SECISBP2: variants seen among roughly 807,000 people sequenced by gnomAD.
The protein encoded by SECISBP2 is selenocysteine insertion sequence-binding protein 2.
Under a neutral mutation model 98.2 loss-of-function variants are expected in SECISBP2, and 96 were observed. That is an observed-to-expected ratio of 0.98 (90% CI 0.83 to 1.16). The LOEUF (loss-of-function observed/expected upper bound fraction) is 1.16, where lower values mean the gene tolerates loss of function less well. Ranked by LOEUF, SECISBP2 falls within the 50% of genes most tolerant of loss-of-function variation. The pLI is 0.00. For missense variants in SECISBP2, 1,046 were observed against 1,022.9 expected, an observed-to-expected ratio of 1.02 and a Z score of -0.31; for synonymous variants, 407 against 370.2, an observed-to-expected ratio of 1.10 and a Z score of -1.14.
rs754167807 is a variant in SECISBP2, at chr9:89,357,500, G to A, written c.2203G>A (p.Gly735Arg). The change falls in exon 15 of 17, where the codon GGG becomes AGG. Residue 735 changes from glycine to arginine, a missense_variant. By Grantham distance (125) the Gly-to-Arg change is moderately radical (BLOSUM62 -2). Coordinates refer to ENST00000375807, the MANE Select transcript of SECISBP2 (RefSeq NM_024077.5). Reference sequence around the variant, plus strand: ...GTTTGCTCTCAACCGCAAAGCTCTGGGGCGCAGTTTGAATAAGGCAGTTCC... The same window carrying A: ...GTTTGCTCTCAACCGCAAAGCTCTGAGGCGCAGTTTGAATAAGGCAGTTCC... ...FVFALNRKAL[G>R]RSLNKAVPVS... The A allele has an allele frequency of 6.2e-7, 1 of 1,614,188 alleles. No individual in the cohort carries two copies. The highest frequency in any genetic ancestry group is 8.5e-7 in the Non-Finnish European group (1 of 1,180,046).
intron 1 of SECISBP2, 70 bp from the exon 2 acceptor site, chr9:89,319,582 G>C: frequency 6.4e-7 from 1 of 1,557,520 alleles, no homozygotes; most frequent in African/African-American, 1.4e-5. Context: ...ACACCTCTTG[G>C]GTCTTTTTGT....
intron 10 of SECISBP2, among the ~76,000 whole-genome samples, chr9:89,344,027 T>C (rs138280835): frequency 4.2e-4 from 64 of 152,348 alleles, no homozygotes; most frequent in Non-Finnish European, 4.9e-4. Context: ...TGATGTGAGA[T>C]GGTATCTCAT....
Position 89,348,221 on chromosome 9 carries a change from A to C in SECISBP2, c.1738+7A>C, listed in dbSNP as rs146762775. 1.6e-3 allele frequency: 2,630 copies of C among 1,614,152 alleles called. 37 individuals carry two copies. In the African/African-American group the frequency reaches 0.032, roughly 20 times the overall value. On this transcript the variant is annotated splice_region_variant and intron_variant, in intron 12 of 16. Coordinates refer to ENST00000375807, the MANE Select transcript of SECISBP2 (RefSeq NM_024077.5). ...GAGCAGGCAGAGCTGTCAGGTACCAACTTCTCTTTGTGCCTTAAGAATAAT... is the reference window on the plus strand; with the variant it reads ...GAGCAGGCAGAGCTGTCAGGTACCACCTTCTCTTTGTGCCTTAAGAATAAT...
chr9:89,360,025 T>A (rs1474720199), downstream of SECISBP2, among the ~76,000 whole-genome samples: 1 of 152,222 alleles, frequency 6.6e-6, no homozygotes, highest in Non-Finnish European at 1.5e-5. Context: ...ATTGGAATAG[T>A]GAGTCAGAAA....
At chr9:89,332,387 G>A (rs1161893576) in intron 5 of SECISBP2, among the ~76,000 whole-genome samples, 1 of 152,180 alleles carries the variant, frequency 6.6e-6, no homozygotes. Flanking sequence ...TAAGAGTTTG[G>A]GGAAATGCAT....
At chr9:89,362,220 C>T, downstream of SECISBP2, 3 of 995,012 alleles carry the variant, frequency 3.0e-6, no homozygotes, top group South Asian at 4.5e-5. Flanking sequence ...ACTTGGGTTC[C>T]AGGCTTCTCC....
At position 89,358,879 on chromosome 9, in the gene SECISBP2, C is replaced by T. The variant is rs1162120228; in HGVS notation, c.*55C>T. 3.3e-5 allele frequency: 35 copies of T among 1,052,078 alleles called. No homozygotes were observed. The highest frequency in any genetic ancestry group is 5.0e-5 in the Non-Finnish European group (34 of 680,766). 65.2% of individuals were successfully genotyped at this position (1,052,078 alleles called of 1,614,324 possible). On this transcript the variant is annotated 3_prime_UTR_variant, in exon 17 of 17. Coordinates refer to ENST00000375807, the MANE Select transcript of SECISBP2 (RefSeq NM_024077.5). ...GTAAGGAGGGGAGGTCTGAAAAAGA[C>T]TTTGGGGCTTTTTCTTCTGTTTTTC...
rs935903368 is a variant in SECISBP2, at chr9:89,319,675, C to T, written c.60C>T (p.Val20=). 10 of 1,614,056 alleles carry T rather than the reference C, an allele frequency of 6.2e-6. No individual in the cohort carries two copies. In the African/African-American group the frequency reaches 6.7e-5, roughly 11 times the overall value. The part of the protein sequence containing the change: ...ESEGIKLSAD[V]KPFVPRFAGL... ...AGGGCATCAAGTTATCAGCAGATGT[C>T]AAACCATTTGTCCCCAGATTTGCCG... is the stretch of plus-strand genomic sequence containing the variant. The change falls in exon 2 of 17, where the codon GTC becomes GTT. Residue 20 remains valine (V), a synonymous_variant. Transcript: ENST00000375807.
At chr9:89,364,171 T>A, downstream of SECISBP2, 2 of 886,698 alleles carry the variant, frequency 2.3e-6, no homozygotes, top group Non-Finnish European at 3.3e-6. Flanking sequence ...TCTTTGACCT[T>A]AATTGCCATT....
chr9:89,364,083 T>C, downstream of SECISBP2: 2 of 1,558,998 alleles, frequency 1.3e-6, no homozygotes, highest in Non-Finnish European at 1.7e-6. Flanking sequence ...TCCAATTCAG[T>C]CCCTGGGACT....
intron 2 of SECISBP2, chr9:89,324,988 G>T (rs1193515395): frequency 7.7e-6 from 2 of 258,860 alleles, no homozygotes; most frequent in East Asian, 2.2e-4. Context: ...GCAAAGCGCA[G>T]GATGTCATGG....
At chr9:89,351,728 C>T (rs1011734886) in intron 14 of SECISBP2, among the ~76,000 whole-genome samples, 7 of 152,186 alleles carry the variant, frequency 4.6e-5, no homozygotes, top group African/African-American at 9.7e-5. Context: ...GCCAGCAGCT[C>T]GTCCCTGTCC....
At chr9:89,359,698 T>C (rs373042328), downstream of SECISBP2, 6 of 152,316 alleles carry the variant, frequency 3.9e-5, no homozygotes, top group African/African-American at 1.4e-4. Flanking sequence ...TCTTACTTGA[T>C]GATTCCTATG....
intron 8 of SECISBP2, among the ~76,000 whole-genome samples, chr9:89,339,068 T>TC (rs1487059362): frequency 6.6e-6 from 1 of 152,242 alleles, no homozygotes; most frequent in African/African-American, 2.4e-5. Flanking sequence ...TCCATGATAC[T>TC]CCAAGTATGT....
the SECISBP2 span, among the ~76,000 whole-genome samples, chr9:89,366,335 A>G: frequency 1.3e-5 from 2 of 152,198 alleles, no homozygotes; most frequent in Non-Finnish European, 2.9e-5. Context: ...TTCCAAACTT[A>G]TAACAAACAA....
intron 8 of SECISBP2, 84 bp downstream of exon 8, chr9:89,338,664 A>G: frequency 7.1e-7 from 1 of 1,408,902 alleles, no homozygotes; most frequent in Admixed American, 2.0e-5. Context: ...TTGGTTTCCT[A>G]AGTGAAAATC....
At chr9:89,361,366 A>ACT (rs1464907730), downstream of SECISBP2, 7 of 152,168 alleles carry the variant, frequency 4.6e-5, 1 homozygote, top group African/African-American at 1.7e-4. Context: ...CTGGGAAGAC[A>ACT]CTCAGTATTT....
At chr9:89,363,553 T>C (rs1488267235), downstream of SECISBP2, 3 of 1,613,344 alleles carry the variant, frequency 1.9e-6, no homozygotes, top group Admixed American at 1.7e-5. Flanking sequence ...GGTCCCCAGG[T>C]CAAAGCTCTG....
At chr9:89,344,550 A>G (rs1292853163) in intron 10 of SECISBP2, among the ~76,000 whole-genome samples, 2 of 152,294 alleles carry the variant, frequency 1.3e-5, no homozygotes, top group Admixed American at 6.5e-5. Flanking sequence ...TCCCAGCACC[A>G]TTTATTGAAT....
Sources: allele counts gnomAD v4.1 joint callset (sites outside exome capture counted in the v4.1 genomes callset), GRCh38; gene constraint gnomAD v4.1.1; transcripts MANE v1.5; gene names NCBI Gene and HGNC (gene_info 2026-07-23, HGNC 2026-07-21).